The following KAZN variants were observed in gnomAD, a reference collection of about 807,000 sequenced individuals.
KAZN encodes the protein kazrin.
Under a neutral mutation model 87.4 loss-of-function variants are expected in KAZN, and 40 were observed. The observed-to-expected ratio is 0.46, with a 90% CI of 0.36 to 0.60. KAZN has a LOEUF of 0.60. Among genes scored for constraint, KAZN ranks in the 20% least tolerant of loss-of-function variants. The probability of loss-of-function intolerance (pLI) is 0.00; values close to 1 mark genes in which losing one functional copy is unlikely to be tolerated. For missense variants in KAZN, 898 were observed against 1,073.9 expected, an observed-to-expected ratio of 0.84 and a Z score of 2.29; for synonymous variants, 466 against 458.3, an observed-to-expected ratio of 1.02 and a Z score of -0.22.
At chr1:14,926,476 C>T (rs897001810) in intron 1 of KAZN, among the ~76,000 whole-genome samples, 1 of 152,128 alleles carries the variant, frequency 6.6e-6, no homozygotes, top group African/African-American at 2.4e-5. Flanking sequence ...AACTCTTTTC[C>T]CAGTTTACAG....
intron 2 of KAZN, among the ~76,000 whole-genome samples, chr1:14,263,219 A>C (rs1171647499): frequency 6.6e-6 from 1 of 152,042 alleles, no homozygotes; most frequent in Non-Finnish European, 1.5e-5. Flanking sequence ...TAAACCACAA[A>C]CCCCTAGGTC....
intron 2 of KAZN, among the ~76,000 whole-genome samples, chr1:14,234,236 G>A (rs1648158262): frequency 6.6e-6 from 1 of 152,118 alleles, no homozygotes; most frequent in Non-Finnish European, 1.5e-5. Context: ...AAAAAAGGAT[G>A]AGTTCATGTT....
chr1:13,925,211 G>C (rs139482309), intron 1 of KAZN, among the ~76,000 whole-genome samples: 176 of 152,298 alleles, frequency 1.2e-3, no homozygotes, highest in African/African-American at 4.0e-3. Flanking sequence ...CTTGCACTTT[G>C]CTTAATGTTT....
At chr1:13,900,050 T>C (rs1156314675) in intron 1 of KAZN, among the ~76,000 whole-genome samples, 1 of 151,970 alleles carries the variant, frequency 6.6e-6, no homozygotes, top group African/African-American at 2.4e-5. Flanking sequence ...GTCATCCTTA[T>C]GAGTAGCTGC....
At chr1:14,124,652 C>T (rs775116989) in intron 1 of KAZN, among the ~76,000 whole-genome samples, 36 of 152,070 alleles carry the variant, frequency 2.4e-4, no homozygotes, top group Non-Finnish European at 4.8e-4. Flanking sequence ...TTGGTATATT[C>T]GCCAACGGCC....
At chr1:13,959,863 G>A (rs972372105) in intron 1 of KAZN, among the ~76,000 whole-genome samples, 3 of 152,064 alleles carry the variant, frequency 2.0e-5, no homozygotes, top group African/African-American at 4.8e-5. Context: ...AACACCCTCC[G>A]TGGCTTATAA....
intron 3 of KAZN, among the ~76,000 whole-genome samples, chr1:15,035,797 C>G (rs1450827128): frequency 1.3e-5 from 2 of 152,156 alleles, no homozygotes; most frequent in Admixed American, 1.3e-4. Flanking sequence ...CGAGATCACC[C>G]CACTGCACTC....
intron 1 of KAZN, among the ~76,000 whole-genome samples, chr1:14,164,632 C>G (rs1038937113): frequency 2.6e-5 from 4 of 151,086 alleles, no homozygotes; most frequent in Non-Finnish European, 5.9e-5. Flanking sequence ...CCTCCGCTCC[C>G]TGGGTTCAAG....
At chr1:13,962,469 T>C (rs1032940765) in intron 1 of KAZN, among the ~76,000 whole-genome samples, 5 of 152,178 alleles carry the variant, frequency 3.3e-5, no homozygotes, top group Non-Finnish European at 7.4e-5. Flanking sequence ...TGTGGGGCTC[T>C]CTGGGGCCAG....
chr1:13,915,751 A>G (rs796845067), intron 1 of KAZN, among the ~76,000 whole-genome samples: 23 of 152,160 alleles, frequency 1.5e-4, no homozygotes, highest in African/African-American at 4.3e-4. Context: ...AGAGAGAGAG[A>G]GGGGCTTGAG....
At chr1:14,760,678 G>A (rs574738406) in intron 1 of KAZN, among the ~76,000 whole-genome samples, 1 of 152,344 alleles carries the variant, frequency 6.6e-6, no homozygotes, top group South Asian at 2.1e-4. Context: ...TTCAGGCCAG[G>A]TGTGGTAGCT....
chr1:13,929,122 A>G (rs1640404368), intron 1 of KAZN, among the ~76,000 whole-genome samples: 1 of 146,064 alleles, frequency 6.8e-6, no homozygotes, highest in East Asian at 2.0e-4. Context: ...TGGCAGGATC[A>G]TAGCTCACTG....
intron 1 of KAZN, among the ~76,000 whole-genome samples, chr1:14,034,619 A>G (rs1207384864): frequency 1.3e-5 from 2 of 152,178 alleles, no homozygotes; most frequent in Non-Finnish European, 2.9e-5. Flanking sequence ...ATGTTCCTTG[A>G]TGGGCTTCAG....
In KAZN at chr1:14,557,490, T is replaced by A. The variant is rs1673957039; in HGVS notation, c.250-41493T>A. 2.0e-5 allele frequency among the ~76,000 whole-genome samples: 3 copies of A among 152,132 alleles called. No homozygotes were observed. In the South Asian group the frequency reaches 6.2e-4, roughly 32 times the overall value. On this transcript the variant is annotated intron_variant, in intron 2 of 16. Transcript: ENST00000636203. ...AGGTACATTTTTTCCACATTAAATA[T>A]AAATATATTTGTAATAAATAAACAA...
At chr1:14,033,903 A>T (rs1289747992) in intron 1 of KAZN, among the ~76,000 whole-genome samples, 1 of 152,236 alleles carries the variant, frequency 6.6e-6, no homozygotes. Context: ...GGGAAGCAGC[A>T]TTTAATTCTG....
chr1:14,158,047 G>T (rs1275876240), intron 1 of KAZN, among the ~76,000 whole-genome samples: 1 of 152,168 alleles, frequency 6.6e-6, no homozygotes. Flanking sequence ...ATGAGATTTG[G>T]ATGGGGACAT....
chr1:14,212,757 T>G (rs1646881770), intron 2 of KAZN, among the ~76,000 whole-genome samples: 1 of 152,202 alleles, frequency 6.6e-6, no homozygotes, highest in Non-Finnish European at 1.5e-5. Context: ...GCTGATTATA[T>G]TTGTCTGTTC....
chr1:14,465,796 G>A (rs1176645306), intron 2 of KAZN, among the ~76,000 whole-genome samples: 2 of 152,054 alleles, frequency 1.3e-5, no homozygotes, highest in African/African-American at 2.4e-5. Context: ...TACTGATTAG[G>A]CCAAATAAAA....
intron 2 of KAZN, among the ~76,000 whole-genome samples, chr1:14,993,480 AT>A (rs1667553644): frequency 6.6e-6 from 1 of 151,920 alleles, no homozygotes; most frequent in Non-Finnish European, 1.5e-5. Context: ...AAAAAAAAAA[AT>A]AATCATCATC....
Sources: gnomAD v4.1 joint callset for allele counts (sites outside exome capture counted in the v4.1 genomes callset) on GRCh38, gnomAD v4.1.1 for gene constraint, MANE v1.5 for transcripts, NCBI Gene and HGNC (gene_info 2026-07-23, HGNC 2026-07-21) for gene names.